Variants in AFF2 observed in about 807,000 individuals in gnomAD.
AFF2 encodes AF4/FMR2 family member 2.
Under a neutral mutation model 76.9 loss-of-function variants are expected in AFF2, and 14 were observed. The observed-to-expected ratio is 0.18, with a 90% confidence interval of 0.12 to 0.28. The LOEUF (loss-of-function observed/expected upper bound fraction) is 0.28, where lower values mean the gene tolerates loss of function less well. Among genes scored for constraint, AFF2 ranks in the 10% least tolerant of loss-of-function variants. The pLI is 1.00. For synonymous variants in AFF2, 398 were observed against 366.7 expected, an observed-to-expected ratio of 1.09 and a Z score of -0.98; for missense variants, 868 against 1,001.1, an observed-to-expected ratio of 0.87 and a Z score of 1.79.
chrX:148,837,239 A>C (rs782613459), intron 4 of AFF2, among the ~76,000 whole-genome samples: 1 of 112,256 alleles, frequency 8.9e-6, no homozygotes, highest in East Asian at 2.8e-4. Context: ...GAACAAGCTG[A>C]GAATGTCTCA....
intron 1 of AFF2, among the ~76,000 whole-genome samples, chrX:148,633,377 T>C (rs1321929464): frequency 3.6e-5 from 4 of 111,939 alleles, no homozygotes; most frequent in Admixed American, 9.4e-5. Flanking sequence ...ACATGCAGCC[T>C]CTTCTACTCT....
intron 1 of AFF2, among the ~76,000 whole-genome samples, chrX:148,558,674 A>G (rs782147199): frequency 4.5e-5 from 5 of 112,094 alleles, no homozygotes; most frequent in Admixed American, 2.8e-4. Context: ...TGTAAAAATT[A>G]TAGCCTGGAA....
chrX:148,726,669 AC>A (rs1422249761), intron 3 of AFF2, among the ~76,000 whole-genome samples: 1 of 111,882 alleles, frequency 8.9e-6, no homozygotes, highest in African/African-American at 3.2e-5. Flanking sequence ...GCCAGTTAAA[AC>A]AAATCCCACC....
intron 3 of AFF2, among the ~76,000 whole-genome samples, chrX:148,685,313 G>A (rs1160937665): frequency 8.9e-6 from 1 of 111,791 alleles, no homozygotes; most frequent in East Asian, 2.8e-4. Flanking sequence ...TTCCACATTG[G>A]TTAATTTGTG....
intron 3 of AFF2, among the ~76,000 whole-genome samples, chrX:148,690,925 C>T (rs1557260711): frequency 8.9e-6 from 1 of 111,732 alleles, no homozygotes; most frequent in African/African-American, 3.3e-5. Context: ...CCCATGTCTT[C>T]ATGTGGTCTT....
rs782528003 is a variant in AFF2, at chrX:148,886,382, G to A, written c.1359+397G>A. 4.7e-4 allele frequency among the ~76,000 whole-genome samples: 53 copies of A among 111,585 alleles called. 1 individual carries two copies. Among genetic ancestry groups the A allele is most frequent in the Non-Finnish European group, 8.7e-4 (46 of 53,102 alleles). ...CATACTCATTAATTTAGATATAAAT[G>A]TGATGCTTCATTCACCTTTCCCAGA... On this transcript the variant is annotated intron_variant, in intron 8 of 20. Coordinates refer to ENST00000370460, the MANE Select transcript of AFF2 (RefSeq NM_002025.4).
intron 1 of AFF2, among the ~76,000 whole-genome samples, chrX:148,516,079 T>C (rs1255436764): frequency 1.8e-5 from 2 of 111,324 alleles, no homozygotes; most frequent in African/African-American, 6.5e-5. Flanking sequence ...CACAAAATAG[T>C]CTAAGCTCTT....
intron 7 of AFF2, among the ~76,000 whole-genome samples, chrX:148,876,201 A>G (rs1250358194): frequency 8.9e-6 from 1 of 111,873 alleles, no homozygotes; most frequent in Non-Finnish European, 1.9e-5. Context: ...CCTACGTGCT[A>G]GGGGTTTGAA....
intron 9 of AFF2, among the ~76,000 whole-genome samples, chrX:148,927,454 C>A (rs781861227): frequency 9.0e-6 from 1 of 110,509 alleles, no homozygotes; most frequent in African/African-American, 3.3e-5. Context: ...TTCCTGTTTC[C>A]TCACAGTCCT....
rs1267289259 is a variant in AFF2, at chrX:148,998,560, G to C, written c.*7228G>C. 1.8e-5 allele frequency: 2 copies of C among 111,536 alleles called. No homozygotes were observed. The highest frequency in any genetic ancestry group is 1.9e-4 in the Admixed American group (2 of 10,453). 9.2% of individuals were successfully genotyped at this position (111,536 alleles called of 1,213,427 possible). On this transcript the variant is annotated 3_prime_UTR_variant, in exon 21 of 21. Coordinates refer to ENST00000370460, the MANE Select transcript of AFF2 (RefSeq NM_002025.4). The stretch of plus-strand genomic sequence containing the variant: ...TTTGTGGAGCAGTGTTTTGACCTTT[G>C]ATACATAATTCTGGAGCAAGTGGAG...
intron 3 of AFF2, among the ~76,000 whole-genome samples, chrX:148,699,987 G>A (rs183660809): frequency 2.5e-4 from 28 of 111,631 alleles, no homozygotes; most frequent in Admixed American, 2.3e-3. Flanking sequence ...GTTACATATC[G>A]TTTTACAAAT....
intron 3 of AFF2, among the ~76,000 whole-genome samples, chrX:148,775,221 T>C (rs1385641990): frequency 3.6e-5 from 4 of 111,838 alleles, no homozygotes; most frequent in Admixed American, 2.9e-4. Context: ...ATGCATGTTT[T>C]ACCTATAAGT....
intron 3 of AFF2, among the ~76,000 whole-genome samples, chrX:148,743,698 T>G (rs2055388204): frequency 9.0e-6 from 1 of 111,354 alleles, no homozygotes; most frequent in East Asian, 2.8e-4. Flanking sequence ...CAAAGAACAT[T>G]GAGGAACTAC....
At chrX:148,552,068 C>T (rs1301060925) in intron 1 of AFF2, among the ~76,000 whole-genome samples, 1 of 112,737 alleles carries the variant, frequency 8.9e-6, no homozygotes, top group Non-Finnish European at 1.9e-5. Context: ...TACTACTCTC[C>T]TGGGAGAGGA....
intron 1 of AFF2, among the ~76,000 whole-genome samples, chrX:148,539,948 T>C (rs2052833806): frequency 9.0e-6 from 1 of 111,607 alleles, no homozygotes; most frequent in Non-Finnish European, 1.9e-5. Flanking sequence ...TTGAAAGTTT[T>C]GGTCTTAGAG....
chrX:148,982,881 A>G (rs1557291027), intron 19 of AFF2, among the ~76,000 whole-genome samples: 1 of 112,425 alleles, frequency 8.9e-6, no homozygotes, highest in Non-Finnish European at 1.9e-5. Flanking sequence ...CAAGGCTACT[A>G]TGTAGAAAAA....
chrX:148,896,388 A>G (rs2071284528), intron 8 of AFF2, among the ~76,000 whole-genome samples: 1 of 111,825 alleles, frequency 8.9e-6, no homozygotes, highest in African/African-American at 3.3e-5. Flanking sequence ...TAGTTTCACA[A>G]CTGTTACAAT....
At chrX:148,631,789 A>G (rs782074776) in intron 1 of AFF2, among the ~76,000 whole-genome samples, 3 of 112,200 alleles carry the variant, frequency 2.7e-5, no homozygotes, top group Non-Finnish European at 5.6e-5. Flanking sequence ...TAGCCTCAGA[A>G]CAGCTCTTTT....
intron 19 of AFF2, among the ~76,000 whole-genome samples, chrX:148,982,893 A>C (rs962324339): frequency 8.9e-6 from 1 of 112,466 alleles, no homozygotes; most frequent in Non-Finnish European, 1.9e-5. Flanking sequence ...GTAGAAAAAT[A>C]TGAGAGAAAA....
Sources: allele counts gnomAD v4.1 joint callset (sites outside exome capture counted in the v4.1 genomes callset), GRCh38; gene constraint gnomAD v4.1.1; transcripts MANE v1.5; gene names NCBI Gene and HGNC (gene_info 2026-07-23, HGNC 2026-07-21).